The following PACRG variants were observed in gnomAD, a reference collection of about 807,000 sequenced individuals.
PACRG encodes the protein parkin coregulated.
Under a neutral mutation model 29.7 loss-of-function variants are expected in PACRG, and 29 were observed. That is an observed-to-expected ratio of 0.98 (90% CI 0.73 to 1.33). The LOEUF (loss-of-function observed/expected upper bound fraction) is 1.33. Among genes scored for constraint, PACRG ranks in the 40% most tolerant of loss-of-function variants. The probability of loss-of-function intolerance (pLI) is 0.00; values close to 1 mark genes in which losing one functional copy is unlikely to be tolerated. For missense variants in PACRG, 279 were observed against 316.2 expected (o/e 0.88, Z 0.89); for synonymous variants, 116 against 118.7 (o/e 0.98, Z 0.15).
chr6:163,061,747 C>T (rs1212745842), intron 2 of PACRG, among the ~76,000 whole-genome samples: 4 of 152,188 alleles, frequency 2.6e-5, no homozygotes, highest in African/African-American at 4.8e-5. Flanking sequence ...GAACCTTGGG[C>T]ACCAATCTTT....
chr6:162,974,424 A>G (rs1488865468), intron 2 of PACRG, among the ~76,000 whole-genome samples: 1 of 152,206 alleles, frequency 6.6e-6, no homozygotes, highest in African/African-American at 2.4e-5. Context: ...GAAAGTTAAC[A>G]TTACTGTCAT....
chr6:162,828,445 G>T (rs1250409757), intron 2 of PACRG, among the ~76,000 whole-genome samples: 1 of 152,154 alleles, frequency 6.6e-6, no homozygotes, highest in African/African-American at 2.4e-5. Context: ...TCATTCATTT[G>T]CTAGGCATTA....
intron 2 of PACRG, among the ~76,000 whole-genome samples, chr6:163,017,757 G>A (rs1187405331): frequency 6.6e-6 from 1 of 152,116 alleles, no homozygotes; most frequent in Admixed American, 6.5e-5. Context: ...ATGTAATTTA[G>A]AGAGTTACTA....
chr6:162,869,033 G>T (rs1018055422), intron 2 of PACRG, among the ~76,000 whole-genome samples: 2 of 152,184 alleles, frequency 1.3e-5, no homozygotes, highest in Admixed American at 6.5e-5. Context: ...CCTCTGCTCA[G>T]AATTGCTTCT....
chr6:162,868,394 C>T (rs1652182778), intron 2 of PACRG, among the ~76,000 whole-genome samples: 1 of 152,178 alleles, frequency 6.6e-6, no homozygotes, highest in African/African-American at 2.4e-5. Context: ...TTTAGATTGT[C>T]GTGAGGAAAG....
intron 4 of PACRG, among the ~76,000 whole-genome samples, chr6:163,276,532 A>C (rs1784034210): frequency 1.3e-5 from 2 of 152,110 alleles, no homozygotes; most frequent in Non-Finnish European, 2.9e-5. Context: ...ATTCTGGGTC[A>C]GTTTTCCTTG....
chr6:163,103,911 G>A (rs969026768), intron 4 of PACRG, among the ~76,000 whole-genome samples: 3 of 152,212 alleles, frequency 2.0e-5, no homozygotes, highest in Non-Finnish European at 4.4e-5. Context: ...ATGAACCAAA[G>A]CCAGCACCCA....
intron 2 of PACRG, among the ~76,000 whole-genome samples, chr6:163,020,875 A>G (rs1018901212): frequency 6.6e-6 from 1 of 152,106 alleles, no homozygotes; most frequent in Non-Finnish European, 1.5e-5. Context: ...ACCATCAATC[A>G]GCAAAATGTC....
At chr6:163,206,240 T>A (rs1407489430) in intron 4 of PACRG, among the ~76,000 whole-genome samples, 1 of 152,194 alleles carries the variant, frequency 6.6e-6, no homozygotes, top group African/African-American at 2.4e-5. Context: ...TAAATCATTT[T>A]ACCATAAAGA....
intron 2 of PACRG, among the ~76,000 whole-genome samples, chr6:162,931,135 T>C (rs1295767974): frequency 6.6e-6 from 1 of 151,828 alleles, no homozygotes; most frequent in Non-Finnish European, 1.5e-5. Context: ...TTTGAAGAGT[T>C]TCTGTTTAAT....
At chr6:162,816,714 C>A (rs912993342) in intron 2 of PACRG, among the ~76,000 whole-genome samples, 2 of 152,122 alleles carry the variant, frequency 1.3e-5, no homozygotes, top group Non-Finnish European at 2.9e-5. Flanking sequence ...ATATTTATTT[C>A]GTGGCACATT....
chr6:162,865,218 C>G (rs963346960), intron 2 of PACRG, among the ~76,000 whole-genome samples: 12 of 152,136 alleles, frequency 7.9e-5, no homozygotes, highest in Non-Finnish European at 1.3e-4. Flanking sequence ...CTGCTCTGGT[C>G]TGAATGCTAT....
At chr6:163,025,912 GTTCTAAAGCTT>G (rs1240388154) in intron 2 of PACRG, among the ~76,000 whole-genome samples, 2 of 152,184 alleles carry the variant, frequency 1.3e-5, no homozygotes, top group Non-Finnish European at 2.9e-5. Context: ...GGTTAAAGCT[GTTCTAAAGCTT>G]TAGCTGTAAA....
At chr6:162,999,901 T>G (rs1345843189) in intron 2 of PACRG, among the ~76,000 whole-genome samples, 4 of 152,214 alleles carry the variant, frequency 2.6e-5, no homozygotes, top group African/African-American at 4.8e-5. Context: ...CCTAACATAT[T>G]ACTTTGGAAC....
chr6:163,214,307 T>A (rs1170524968), intron 4 of PACRG, among the ~76,000 whole-genome samples: 2 of 152,120 alleles, frequency 1.3e-5, no homozygotes, highest in African/African-American at 4.8e-5. Flanking sequence ...AGTTTTATTA[T>A]CTTACTGGGG....
intron 2 of PACRG, among the ~76,000 whole-genome samples, chr6:163,047,526 G>A (rs905814874): frequency 1.3e-5 from 2 of 151,940 alleles, no homozygotes; most frequent in Non-Finnish European, 2.9e-5. Context: ...TGTTACCGTC[G>A]GGAACATACA....
chr6:163,010,706 T>C (rs1381264095), intron 2 of PACRG, among the ~76,000 whole-genome samples: 2 of 152,164 alleles, frequency 1.3e-5, no homozygotes, highest in Admixed American at 6.5e-5. Context: ...TCTGAATAAA[T>C]TGCAAATTCG....
chr6:162,995,516 G>A (rs762993244), intron 2 of PACRG, among the ~76,000 whole-genome samples: 117 of 152,154 alleles, frequency 7.7e-4, no homozygotes, highest in Non-Finnish European at 1.4e-3. Context: ...AGGTGCGTCC[G>A]TCACCCCTTT....
At chr6:163,032,129 G>T (rs1807725277) in intron 2 of PACRG, among the ~76,000 whole-genome samples, 1 of 152,186 alleles carries the variant, frequency 6.6e-6, no homozygotes, top group Non-Finnish European at 1.5e-5. Flanking sequence ...ATATGCTCCA[G>T]ATTTTGTTTA....
Sources: allele counts gnomAD v4.1 joint callset (sites outside exome capture counted in the v4.1 genomes callset), GRCh38; gene constraint gnomAD v4.1.1; transcripts MANE v1.5; gene names NCBI Gene and HGNC (gene_info 2026-07-23, HGNC 2026-07-21).